The following UBXN2A variants were observed in gnomAD, a reference collection of about 807,000 sequenced individuals.
UBXN2A encodes the protein UBX domain-containing protein 2A.
In UBXN2A, 28 loss-of-function variants were observed where a neutral mutation model predicts 28.4. That is an observed-to-expected ratio of 0.99 (90% CI 0.73 to 1.35). The LOEUF (loss-of-function observed/expected upper bound fraction) is 1.35, where lower values mean the gene tolerates loss of function less well. UBXN2A is among the 40% of genes most tolerant of loss of function. UBXN2A has a pLI of 0.00. For missense variants in UBXN2A, 253 were observed against 297.9 expected (o/e 0.85, Z 1.11); for synonymous variants, 97 against 103.6 (o/e 0.94, Z 0.39).
At chr2:23,991,722 T>G (rs1201824748) in intron 6 of UBXN2A, among the ~76,000 whole-genome samples, 1 of 152,166 alleles carries the variant, frequency 6.6e-6, no homozygotes. Context: ...TCCGCTCACC[T>G]TGGCCTCCCA....
chr2:23,959,436 G>A (rs1322140972), intron 2 of UBXN2A, among the ~76,000 whole-genome samples: 1 of 152,050 alleles, frequency 6.6e-6, no homozygotes, highest in African/African-American at 2.4e-5. Flanking sequence ...AGGTTTCAGT[G>A]AGCCAAGACC....
intron 1 of UBXN2A, among the ~76,000 whole-genome samples, chr2:23,956,642 C>T (rs1328835056): frequency 6.6e-6 from 1 of 152,196 alleles, no homozygotes; most frequent in Non-Finnish European, 1.5e-5. Flanking sequence ...CGTGAGCCAC[C>T]ACACCTGGCC....
chr2:23,984,125 T>A (rs1253974654), intron 5 of UBXN2A, among the ~76,000 whole-genome samples: 1 of 152,210 alleles, frequency 6.6e-6, no homozygotes, highest in African/African-American at 2.4e-5. Context: ...TCTAACAGAA[T>A]ATGCAGAGAG....
chr2:23,949,344 G>A (rs562994210), intron 1 of UBXN2A, among the ~76,000 whole-genome samples: 1 of 151,900 alleles, frequency 6.6e-6, no homozygotes, highest in African/African-American at 2.4e-5. Flanking sequence ...GGCCGAGGTG[G>A]GCGGATCATG....
intron 1 of UBXN2A, among the ~76,000 whole-genome samples, chr2:23,941,259 G>A (rs4488614): frequency 0.46 from 70,614 of 152,062 alleles, 17,096 homozygotes; most frequent in East Asian, 0.78. Context: ...ATAGGAAACT[G>A]CTGATTTGTT....
chr2:23,958,259 T>A, intron 1 of UBXN2A, 42 bp from the exon 2 acceptor site: 1 of 1,536,412 alleles, frequency 6.5e-7, no homozygotes, highest in Non-Finnish European at 8.8e-7. Context: ...ATTAAGCTTT[T>A]TACTTACTTT....
intron 6 of UBXN2A, among the ~76,000 whole-genome samples, chr2:23,986,227 G>A (rs752702386): frequency 2.6e-5 from 4 of 151,958 alleles, no homozygotes; most frequent in East Asian, 3.9e-4. Context: ...GGAGAATGGC[G>A]TGAACCCGGA....
chr2:23,948,695 A>G (rs1455591258), intron 1 of UBXN2A, among the ~76,000 whole-genome samples: 1 of 152,178 alleles, frequency 6.6e-6, no homozygotes, highest in Non-Finnish European at 1.5e-5. Flanking sequence ...GCTGGGACTC[A>G]GAGAAGCTAA....
intron 2 of UBXN2A, among the ~76,000 whole-genome samples, chr2:23,962,489 A>G (rs1706970538): frequency 1.3e-5 from 2 of 152,196 alleles, no homozygotes; most frequent in African/African-American, 4.8e-5. Context: ...ACAACTCAGT[A>G]GCAAAAAACT....
rs373746147 is a variant in UBXN2A at position 23,986,135 on chromosome 2, T to C, written c.584+1304T>C. On this transcript the variant is annotated intron_variant, in intron 6 of 6. Transcript: ENST00000309033. ...CATCCTGGCTAACACGGTGAAACCC[T>C]GTCTCTACTAAAAATACAAAAAAAA... is the stretch of plus-strand genomic sequence containing the variant. Among the ~76,000 whole-genome samples the C allele has an allele frequency of 1.2e-4, 18 of 152,016 alleles. No homozygotes were observed. The South Asian group carries it at 3.7e-3, about 32-fold the overall frequency.
At chr2:23,973,027 T>C (rs934163195) in intron 3 of UBXN2A, among the ~76,000 whole-genome samples, 9 of 152,148 alleles carry the variant, frequency 5.9e-5, no homozygotes, top group African/African-American at 2.2e-4. Context: ...ATGGTTTACA[T>C]ACAGACTATG....
chr2:23,974,091 T>A (rs1707544055), intron 3 of UBXN2A, among the ~76,000 whole-genome samples: 1 of 149,086 alleles, frequency 6.7e-6, no homozygotes, highest in African/African-American at 2.5e-5. Context: ...CTCGGCTCAC[T>A]GCAAGCTCCG....
At chr2:23,961,949 A>G (rs182569614) in intron 2 of UBXN2A, among the ~76,000 whole-genome samples, 14 of 151,296 alleles carry the variant, frequency 9.3e-5, no homozygotes, top group African/African-American at 2.9e-4. Flanking sequence ...GGTTCAAGCA[A>G]TTCTCCTGCC....
At chr2:23,968,000 T>C (rs1488633717) in intron 2 of UBXN2A, among the ~76,000 whole-genome samples, 1 of 151,822 alleles carries the variant, frequency 6.6e-6, no homozygotes, top group Non-Finnish European at 1.5e-5. Flanking sequence ...GTCACGGCAT[T>C]CTAGTGGGCT....
chr2:23,976,634 C>T (rs919341126), intron 3 of UBXN2A, among the ~76,000 whole-genome samples: 2 of 152,124 alleles, frequency 1.3e-5, no homozygotes, highest in Non-Finnish European at 2.9e-5. Flanking sequence ...ATGGGAAACA[C>T]GGGCCCCCGT....
At chr2:23,933,118 T>A (rs923576858) in intron 1 of UBXN2A, among the ~76,000 whole-genome samples, 36 of 148,822 alleles carry the variant, frequency 2.4e-4, no homozygotes, top group Admixed American at 1.1e-3. Context: ...AAAATAAAAT[T>A]AAATTAAATT....
intron 1 of UBXN2A, among the ~76,000 whole-genome samples, chr2:23,950,548 G>T (rs916016632): frequency 2.6e-5 from 4 of 151,210 alleles, no homozygotes; most frequent in African/African-American, 9.7e-5. Flanking sequence ...GATTACAGGC[G>T]CCCTCCACCA....
At chr2:23,932,888 A>T (rs961863677) in intron 1 of UBXN2A, among the ~76,000 whole-genome samples, 3 of 151,906 alleles carry the variant, frequency 2.0e-5, no homozygotes, top group African/African-American at 7.3e-5. Flanking sequence ...GTGGATCACA[A>T]GATCAGGAAA....
intron 1 of UBXN2A, among the ~76,000 whole-genome samples, chr2:23,956,144 A>C (rs1247618396): frequency 1.3e-5 from 2 of 150,988 alleles, no homozygotes; most frequent in Non-Finnish European, 3.0e-5. Context: ...GAGTACAGGC[A>C]TGAGCCACCA....
Sources: allele counts gnomAD v4.1 joint callset (sites outside exome capture counted in the v4.1 genomes callset), GRCh38; gene constraint gnomAD v4.1.1; transcripts MANE v1.5; gene names NCBI Gene and HGNC (gene_info 2026-07-23, HGNC 2026-07-21).